CCDC85A: variants seen among roughly 807,000 people sequenced by gnomAD.
CCDC85A encodes the protein coiled-coil domain containing 85A.
A neutral mutation model predicts 50.2 loss-of-function variants in CCDC85A; 38 were observed. That is an observed-to-expected ratio of 0.76 (90% CI 0.58 to 0.99). The LOEUF is 0.99. Among genes scored for constraint, CCDC85A ranks in the 50% least tolerant of loss-of-function variants. The pLI is 0.00. For synonymous variants in CCDC85A, 366 were observed against 301.4 expected (o/e 1.21, Z -2.22); for missense variants, 820 against 742.0 (o/e 1.11, Z -1.22).
rs1474969926 is a variant in CCDC85A, at chr2:56,342,892, C to G, written c.1254C>G (p.Ser418=). 3.8e-6 allele frequency: 6 copies of G among 1,590,070 alleles called. No individual in the cohort carries two copies. The highest frequency in any genetic ancestry group is 5.1e-6 in the Non-Finnish European group (6 of 1,167,154). Residue 418 remains serine, a synonymous_variant, in exon 3 of 6, where the codon TCC becomes TCG. Coordinates refer to ENST00000407595, the MANE Select transcript of CCDC85A (RefSeq NM_001080433.2). The stretch of plus-strand genomic sequence containing the variant: ...TTTTAATTTTAGAATCAACCTTGTC[C>G]TATGTTAGGCAGCTGGAGGCAAGAG... ...VYSGMNESTL[S]YVRQLEARVR...
chr2:56,217,725 A>T (rs114845440), intron 2 of CCDC85A, among the ~76,000 whole-genome samples: 1,911 of 151,900 alleles, frequency 0.013, 22 homozygotes, highest in Non-Finnish European at 0.016. Context: ...CAAAATGTTG[A>T]TTTTCCTTCT....
chr2:56,281,762 A>G (rs965675543), intron 2 of CCDC85A, among the ~76,000 whole-genome samples: 3 of 152,064 alleles, frequency 2.0e-5, no homozygotes, highest in African/African-American at 4.8e-5. Context: ...TATCTTTTTC[A>G]TGAATTTTTA....
intron 3 of CCDC85A, among the ~76,000 whole-genome samples, chr2:56,367,020 A>G (rs1675829337): frequency 6.6e-6 from 1 of 152,132 alleles, no homozygotes; most frequent in Admixed American, 6.6e-5. Flanking sequence ...ATTCTTTCCT[A>G]ATGTGACTGC....
chr2:56,241,792 G>T (rs527405872), intron 2 of CCDC85A, among the ~76,000 whole-genome samples: 1 of 152,236 alleles, frequency 6.6e-6, no homozygotes, highest in African/African-American at 2.4e-5. Flanking sequence ...TTAAACATGG[G>T]AGTGCAGATA....
chr2:56,249,416 C>T (rs915668740), intron 2 of CCDC85A, among the ~76,000 whole-genome samples: 2 of 152,212 alleles, frequency 1.3e-5, no homozygotes, highest in Non-Finnish European at 2.9e-5. Flanking sequence ...GATGCAGCCT[C>T]CTGGAGTACA....
intron 2 of CCDC85A, among the ~76,000 whole-genome samples, chr2:56,210,407 T>C (rs1573029200): frequency 6.6e-6 from 1 of 151,956 alleles, no homozygotes; most frequent in Admixed American, 6.6e-5. Flanking sequence ...TTAGTGGAGG[T>C]GTTCTGGTTT....
In CCDC85A at chr2:56,276,813, G is replaced by A. The variant is rs1158330561; in HGVS notation, c.1241-66066G>A. On this transcript the variant is annotated intron_variant, in intron 2 of 5. Coordinates refer to ENST00000407595, the MANE Select transcript of CCDC85A (RefSeq NM_001080433.2). ...TATGTACGTAAACTTGTGTCATGGG[G>A]TTTATTGTATTTTAACTTGAAGGTT... Among the ~76,000 whole-genome samples, 4 of 152,168 alleles carry A rather than the reference G, an allele frequency of 2.6e-5. No individual in the cohort carries two copies. In the East Asian group the frequency reaches 7.7e-4, roughly 29 times the overall value.
intron 2 of CCDC85A, among the ~76,000 whole-genome samples, chr2:56,268,036 T>C (rs1359911119): frequency 6.6e-6 from 1 of 152,226 alleles, no homozygotes; most frequent in Non-Finnish European, 1.5e-5. Flanking sequence ...TAAAGCTTTA[T>C]ACATAAATGA....
At chr2:56,203,167 C>T (rs77205986) in intron 2 of CCDC85A, among the ~76,000 whole-genome samples, 9,063 of 152,174 alleles carry the variant, frequency 0.06, 338 homozygotes, top group East Asian at 0.17. Context: ...GAGAAAGTGG[C>T]TGAATTTAGC....
chr2:56,370,056 A>G (rs147771174), intron 3 of CCDC85A, among the ~76,000 whole-genome samples: 2 of 152,178 alleles, frequency 1.3e-5, no homozygotes, highest in African/African-American at 4.8e-5. Context: ...ATTCTTTTTC[A>G]CAAACTTGGA....
intron 2 of CCDC85A, among the ~76,000 whole-genome samples, chr2:56,340,589 A>G (rs1344783979): frequency 6.6e-6 from 1 of 152,182 alleles, no homozygotes; most frequent in Non-Finnish European, 1.5e-5. Context: ...AAAAAGCTTT[A>G]GAATGGCTGT....
chr2:56,272,493 A>C (rs986432622), intron 2 of CCDC85A, among the ~76,000 whole-genome samples: 1 of 152,200 alleles, frequency 6.6e-6, no homozygotes, highest in African/African-American at 2.4e-5. Context: ...TAACATGGTC[A>C]TGTGATATTC....
intron 3 of CCDC85A, among the ~76,000 whole-genome samples, chr2:56,346,847 C>T (rs2104333260): frequency 6.6e-6 from 1 of 152,312 alleles, no homozygotes; most frequent in African/African-American, 2.4e-5. Flanking sequence ...TTACAGTACA[C>T]ATAATACACA....
intron 5 of CCDC85A, among the ~76,000 whole-genome samples, chr2:56,376,541 A>C (rs1676345727): frequency 6.6e-6 from 1 of 152,200 alleles, no homozygotes; most frequent in African/African-American, 2.4e-5. Context: ...TTCACAAAAA[A>C]TTGCCTAAAA....
intron 5 of CCDC85A, among the ~76,000 whole-genome samples, chr2:56,377,195 T>A (rs114649312): frequency 0.024 from 3,606 of 152,282 alleles, 131 homozygotes; most frequent in African/African-American, 0.082. Flanking sequence ...AGTGAGCAAC[T>A]GAGAGGAATT....
At chr2:56,313,900 G>C (rs1310562488) in intron 2 of CCDC85A, among the ~76,000 whole-genome samples, 3 of 151,944 alleles carry the variant, frequency 2.0e-5, no homozygotes, top group African/African-American at 7.2e-5. Flanking sequence ...TCAGGGCTGG[G>C]CCTGGCCTGT....
Position 56,349,022 on chromosome 2 carries a change from TGATG to T in CCDC85A, c.1317+6069_1317+6072del, listed in dbSNP as rs535410783. On this transcript the variant is annotated intron_variant, in intron 3 of 5. Coordinates refer to ENST00000407595, the MANE Select transcript of CCDC85A (RefSeq NM_001080433.2). ...GGCTTTCCAGGATCCTTAAAGCAAG[TGATG>T]GTATTCCTCAACTGTTATTTGCATA... 3.3e-3 allele frequency among the ~76,000 whole-genome samples: 496 copies of T among 152,290 alleles called. 2 individuals carry two copies. Among genetic ancestry groups the T allele is most frequent in the African/African-American group, 0.012 (483 of 41,564 alleles).
intron 2 of CCDC85A, among the ~76,000 whole-genome samples, chr2:56,285,419 A>G (rs1210603634): frequency 6.8e-6 from 1 of 147,674 alleles, no homozygotes; most frequent in Non-Finnish European, 1.5e-5. Context: ...CATTTTATTT[A>G]ATGTTCTTAT....
chr2:56,220,182 A>G (rs1668263341), intron 2 of CCDC85A, among the ~76,000 whole-genome samples: 1 of 151,946 alleles, frequency 6.6e-6, no homozygotes, highest in Non-Finnish European at 1.5e-5. Context: ...CCTTTCGTGC[A>G]TATATTTGTC....
Sources: allele counts gnomAD v4.1 joint callset (sites outside exome capture counted in the v4.1 genomes callset), GRCh38; gene constraint gnomAD v4.1.1; transcripts MANE v1.5; gene names NCBI Gene and HGNC (gene_info 2026-07-23, HGNC 2026-07-21).